The following SETD5 variants were observed in gnomAD, a reference collection of about 807,000 sequenced individuals.
SETD5 encodes SET domain containing 5, also known as histone-lysine N-methyltransferase SETD5.
In SETD5, 44 loss-of-function variants were observed where a neutral mutation model predicts 153.3. The observed-to-expected ratio is 0.29, with a 90% CI of 0.23 to 0.37. The LOEUF (loss-of-function observed/expected upper bound fraction) is 0.37. Among genes scored for constraint, SETD5 ranks in the 10% least tolerant of loss-of-function variants. The pLI is 1.00. For synonymous variants in SETD5, 716 were observed against 645.2 expected (o/e 1.11, Z -1.66); for missense variants, 1,544 against 1,768.0 (o/e 0.87, Z 2.27).
At position 9,464,539 on chromosome 3, in the gene SETD5, A is replaced by G; in HGVS notation, c.2591A>G (p.Lys864Arg). Residue 864 changes from lysine to arginine, a missense_variant, in exon 18 of 23, where the codon AAG becomes AGG. Physicochemically the swap from Lys to Arg is conservative, Grantham distance 26. Around this residue, in one of 9 missense-constraint regions of SETD5, gnomAD observed 782 missense variants for 787.2 expected, o/e 0.99. Transcript: ENST00000402198. ...CCACCCCCTCCCAATTCAGGCTCAA[A>G]GAGTCCCCAGCTGGCCACACCTGGC... is the stretch of plus-strand genomic sequence containing the variant. The part of the protein sequence containing the change: ...VTPPPPNSGS[K>R]SPQLATPGSS... 6.2e-7 allele frequency: 1 copy of G among 1,613,968 alleles called. No individual in the cohort carries two copies.
rs1428216518 is a variant in SETD5, at chr3:9,434,504, TA to T, written c.329+22del. The T allele has an allele frequency of 6.2e-7, 1 of 1,613,770 alleles. No individual in the cohort carries two copies. Among genetic ancestry groups the T allele is most frequent in the Admixed American group, 1.7e-5 (1 of 60,014 alleles). ...AGTGCAGGTAAGATCCTGTTCCATCTAAATTTAAGTCTGGGTTGCTGGGATT... is the reference window on the plus strand; with the variant it reads ...AGTGCAGGTAAGATCCTGTTCCATCTAATTTAAGTCTGGGTTGCTGGGATT... On this transcript the variant is annotated intron_variant, in intron 5 of 22. Transcript: ENST00000402198. This position sits in a 1 kb window ranked among gnomAD's most constrained non-coding sequence, Gnocchi z 5.6.
intron 2 of SETD5, among the ~76,000 whole-genome samples, chr3:9,426,722 G>C (rs975654049): frequency 2.0e-5 from 3 of 151,892 alleles, no homozygotes; most frequent in African/African-American, 7.3e-5. Flanking sequence ...ATTTTTAGTA[G>C]AGACAGGATC....
intron 16 of SETD5, among the ~76,000 whole-genome samples, chr3:9,451,615 T>G (rs552684449): frequency 6.6e-6 from 1 of 152,116 alleles, no homozygotes; most frequent in Non-Finnish European, 1.5e-5. Flanking sequence ...CTGGCTAATA[T>G]TCATATTTTT....
chr3:9,412,157 AC>A (rs972287330), intron 1 of SETD5, among the ~76,000 whole-genome samples: 5 of 151,940 alleles, frequency 3.3e-5, no homozygotes, highest in African/African-American at 1.2e-4. Flanking sequence ...GTTATATAAC[AC>A]CAGATTGTTC....
intron 18 of SETD5, among the ~76,000 whole-genome samples, chr3:9,465,288 C>T (rs925771791): frequency 6.6e-6 from 1 of 152,328 alleles, no homozygotes; most frequent in East Asian, 1.9e-4. Flanking sequence ...TTATTACCTT[C>T]ACTGTTGGAT....
At chr3:9,466,212 C>T (rs188883915) in intron 18 of SETD5, among the ~76,000 whole-genome samples, 43 of 147,176 alleles carry the variant, frequency 2.9e-4, no homozygotes, top group Admixed American at 9.8e-4. Flanking sequence ...GGCGTGAACC[C>T]GGGAGGCGGA....
rs1300035544 is a variant in SETD5 at position 9,475,814 on chromosome 3, G to A, written c.4052G>A (p.Gly1351Glu). 4 of 1,614,010 alleles carry A rather than the reference G, an allele frequency of 2.5e-6. No individual in the cohort carries two copies. The highest frequency in any genetic ancestry group is 3.4e-6 in the Non-Finnish European group (4 of 1,179,896). Residue 1351 changes from glycine to glutamate, a missense_variant, in exon 23 of 23, where the codon GGA becomes GAA. Physicochemically the swap from Gly to Glu is moderately conservative, Grantham distance 98. Coordinates refer to ENST00000402198, the MANE Select transcript of SETD5 (RefSeq NM_001080517.3). The part of the protein sequence containing the change: ...PSSAASPTLQ[G>E]PSDSPTSDSV... The stretch of plus-strand genomic sequence containing the variant: ...AGTGCTGCTAGCCCTACCCTGCAGG[G>A]ACCCTCAGACTCGCCAACCTCAGAT...
chr3:9,429,982 A>G, intron 3 of SETD5: 1 of 1,258,264 alleles, frequency 7.9e-7, no homozygotes, highest in Non-Finnish European at 1.0e-6. Context: ...TGGGCTGGAA[A>G]AATCCTGGTG....
At chr3:9,449,585 A>G (rs1339218323) in intron 16 of SETD5, 1 of 152,194 alleles carries the variant, frequency 6.6e-6, no homozygotes, top group African/African-American at 2.4e-5. Flanking sequence ...TGAAGTCTCC[A>G]ACTCCAGGCA....
Sources: gnomAD v4.1 joint callset for allele counts (sites outside exome capture counted in the v4.1 genomes callset) on GRCh38, gnomAD v4.1.1 for gene constraint, gnomAD v4.1.1 regional missense constraint, Gnocchi (gnomAD v3.1) non-coding constraint, MANE v1.5 for transcripts, NCBI Gene and HGNC (gene_info 2026-07-23, HGNC 2026-07-21) for gene names.